Variants in PPIA observed in about 807,000 individuals in gnomAD.
PPIA encodes peptidyl-prolyl cis-trans isomerase A.
In PPIA, 2 loss-of-function variants were observed where a neutral mutation model predicts 15.3. That is an observed-to-expected ratio of 0.13 (90% CI 0.05 to 0.41). The LOEUF (loss-of-function observed/expected upper bound fraction) is 0.41, where lower values mean the gene tolerates loss of function less well. Among genes scored for constraint, PPIA ranks in the 10% least tolerant of loss-of-function variants. The pLI, the probability that PPIA is intolerant of heterozygous loss-of-function variation, is 0.99. For missense variants in PPIA, 103 were observed against 210.3 expected (o/e 0.49, Z 3.16); for synonymous variants, 67 against 73.1 (o/e 0.92, Z 0.43).
In PPIA at chr7:44,798,859, C is replaced by T. The variant is rs937980882; in HGVS notation, c.70-388C>T. 9 of 1,015,784 alleles carry T rather than the reference C, an allele frequency of 8.9e-6. No individual in the cohort carries two copies. The African/African-American group carries it at 1.0e-4, about 12-fold the overall frequency. The allele number at this position is 1,015,784 out of a possible 1,614,324, so 62.9% of individuals were successfully genotyped here. ...AAGTGACTAAAAGAACAGCTGTTTACCCCTGATCGTGCAGCAGTGCTTGCT... is the reference window on the plus strand; with the variant it reads ...AAGTGACTAAAAGAACAGCTGTTTATCCCTGATCGTGCAGCAGTGCTTGCT... On this transcript the variant is annotated intron_variant, in intron 1 of 4. Transcript: ENST00000468812.
intron 1 of PPIA, chr7:44,798,777 G>A (rs1792458749): frequency 2.0e-6 from 2 of 988,958 alleles, no homozygotes; most frequent in African/African-American, 3.5e-5. Flanking sequence ...AGAAGTGACT[G>A]CTCATCTAAT....
chr7:44,796,879 C>T, intron 1 of PPIA, 86 bp downstream of exon 1: 6 of 1,401,014 alleles, frequency 4.3e-6, no homozygotes, highest in Non-Finnish European at 5.8e-6. Context: ...GGCCCGGGCG[C>T]GGGGCGACCC....
chr7:44,800,764 G>A (rs1792528754), intron 4 of PPIA, among the ~76,000 whole-genome samples: 2 of 151,640 alleles, frequency 1.3e-5, no homozygotes, highest in Non-Finnish European at 1.5e-5. Flanking sequence ...TGTTTCTTTG[G>A]GGTTTTTGTT....
In PPIA at chr7:44,799,979, T is replaced by C. The variant is rs1792497232; in HGVS notation, c.362+105T>C. The C allele has an allele frequency of 3.3e-6, 4 of 1,195,920 alleles. No individual in the cohort carries two copies. The East Asian group carries it at 9.3e-5, about 28-fold the overall frequency. 74.1% of individuals were successfully genotyped at this position (1,195,920 alleles called of 1,614,324 possible). A position where few individuals can be genotyped will look rare whatever the true frequency, so the allele number is the denominator to read the frequency against. On this transcript the variant is annotated intron_variant, in intron 4 of 4. Coordinates refer to ENST00000468812, the MANE Select transcript of PPIA (RefSeq NM_021130.5). The stretch of plus-strand genomic sequence containing the variant: ...CTTCAACCTTTGCTTCCACAGACTT[T>C]TTCATCCCTAAGATACTAGAAGAAG...
In PPIA at chr7:44,799,746, C is replaced by T. The variant is rs1448524128; in HGVS notation, c.234C>T (p.Ile78=). 6.2e-7 allele frequency: 1 copy of T among 1,613,832 alleles called. No individual in the cohort carries two copies. Among genetic ancestry groups the T allele is most frequent in the Non-Finnish European group, 8.5e-7 (1 of 1,179,886 alleles). The change falls in exon 4 of 5, where the codon ATC becomes ATT. Residue 78 remains isoleucine (I), a synonymous_variant. Coordinates refer to ENST00000468812, the MANE Select transcript of PPIA (RefSeq NM_021130.5). ...ATAATGGCACTGGTGGCAAGTCCAT[C>T]TATGGGGAGAAATTTGAAGATGAGA... The part of the protein sequence containing the change: ...TRHNGTGGKS[I]YGEKFEDENF...
rs1332174581 is a variant in PPIA, at chr7:44,799,723, A to G, written c.211A>G (p.Asn71Asp). ...MCQGGDFTRH[N>D]GTGGKSIYGE... ...ACAGGGTGGTGACTTCACACGCCAT[A>G]ATGGCACTGGTGGCAAGTCCATCTA... Residue 71 changes from asparagine to aspartate, a missense_variant, in exon 4 of 5, where the codon AAT (asparagine) becomes GAT (aspartate). Asn to Asp is a conservative substitution (Grantham distance 23). Coordinates refer to ENST00000468812, the MANE Select transcript of PPIA (RefSeq NM_021130.5). The G allele has an allele frequency of 1.9e-6, 3 of 1,614,014 alleles. No homozygotes were observed. Among genetic ancestry groups the G allele is most frequent in the Non-Finnish European group, 8.5e-7 (1 of 1,179,892 alleles).
In PPIA at chr7:44,796,934, C is replaced by G. The variant is rs1167441229; in HGVS notation, c.69+141C>G. ...GGCGGGCTGCGGCGCCATTTCCTGA[C>G]GAGGGGCCATTTTGGGAGGTCCGCG... On this transcript the variant is annotated intron_variant, in intron 1 of 4. Coordinates refer to ENST00000468812, the MANE Select transcript of PPIA (RefSeq NM_021130.5). 6.4e-6 allele frequency: 6 copies of G among 942,380 alleles called. No homozygotes were observed. The African/African-American group carries it at 7.1e-5, about 11-fold the overall frequency. 58.4% of individuals were successfully genotyped at this position (942,380 alleles called of 1,614,324 possible). A position where few individuals can be genotyped will look rare whatever the true frequency, so the allele number is the denominator to read the frequency against.
Position 44,802,290 on chromosome 7 carries a change from G to A in PPIA, c.*868G>A, listed in dbSNP as rs1186207073. On this transcript the variant is annotated 3_prime_UTR_variant, in exon 5 of 5. Coordinates refer to ENST00000468812, the MANE Select transcript of PPIA (RefSeq NM_021130.5). The stretch of plus-strand genomic sequence containing the variant: ...CAGCCTCCTGAGTAGCTGGGATAAT[G>A]GGCGTGTGCCACCATGCCCAGCTAA... 6.6e-6 allele frequency: 1 copy of A among 151,184 alleles called. No homozygotes were observed. The highest frequency in any genetic ancestry group is 1.9e-4 in the East Asian group (1 of 5,130). 9.4% of individuals were successfully genotyped at this position (151,184 alleles called of 1,614,324 possible).
Position 44,796,811 on chromosome 7 carries a change from G to T in PPIA, c.69+18G>T, listed in dbSNP as rs777499763. The T allele has an allele frequency of 6.3e-7, 1 of 1,599,634 alleles. No homozygotes were observed. The highest frequency in any genetic ancestry group is 2.3e-5 in the East Asian group (1 of 42,896). On this transcript the variant is annotated intron_variant, in intron 1 of 4. Coordinates refer to ENST00000468812, the MANE Select transcript of PPIA (RefSeq NM_021130.5). ...CCTTTGAGGTCGGGCGGGCGGCGGCGTGCGGGAATGGGGCCCAGAAAGTGG... is the reference window on the plus strand; with the variant it reads ...CCTTTGAGGTCGGGCGGGCGGCGGCTTGCGGGAATGGGGCCCAGAAAGTGG...
chr7:44,796,922 G>A lies in PPIA; in HGVS notation c.69+129G>A. 4.7e-6 allele frequency: 5 copies of A among 1,053,068 alleles called. No individual in the cohort carries two copies. The South Asian group carries it at 8.8e-5, about 19-fold the overall frequency. 65.2% of individuals were successfully genotyped at this position (1,053,068 alleles called of 1,614,324 possible). A position where few individuals can be genotyped will look rare whatever the true frequency, so the allele number is the denominator to read the frequency against. The stretch of plus-strand genomic sequence containing the variant: ...GGGGCGAGCGCGGGCGGGCTGCGGC[G>A]CCATTTCCTGACGAGGGGCCATTTT... On this transcript the variant is annotated intron_variant, in intron 1 of 4. Transcript: ENST00000468812.
chr7:44,798,761 A>T (rs976248476), intron 1 of PPIA: 23 of 988,264 alleles, frequency 2.3e-5, no homozygotes, highest in Non-Finnish European at 2.8e-5. Flanking sequence ...AGGGGCCTGG[A>T]TACCAAGAAG....
chr7:44,798,633 T>C, intron 1 of PPIA: 1 of 643,052 alleles, frequency 1.6e-6, no homozygotes, highest in Non-Finnish European at 1.9e-6. Context: ...TGAAAGGGCT[T>C]GTAAATGTTT....
chr7:44,801,818 C>T lies in PPIA; in HGVS notation c.*396C>T. 4.9e-6 allele frequency: 1 copy of T among 203,408 alleles called. No individual in the cohort carries two copies. The highest frequency in any genetic ancestry group is 1.0e-5 in the Non-Finnish European group (1 of 100,096). 12.6% of individuals were successfully genotyped at this position (203,408 alleles called of 1,614,324 possible). On this transcript the variant is annotated 3_prime_UTR_variant, in exon 5 of 5. Transcript: ENST00000468812. ...TAGGCAGCAACTGGGCATGGTGGCT[C>T]ACTGTCTGTAATGTATTACCTGAGG... is the stretch of plus-strand genomic sequence containing the variant.
In PPIA at chr7:44,797,067, C is replaced by G. The variant is rs17860051; in HGVS notation, c.69+274C>G. ...CGCCCGCCCGCCTCATGTGGCCGCGCCCTGTCCTGTCCGACGCACGTGCTC... is the reference window on the plus strand; with the variant it reads ...CGCCCGCCCGCCTCATGTGGCCGCGGCCTGTCCTGTCCGACGCACGTGCTC... On this transcript the variant is annotated intron_variant, in intron 1 of 4. Transcript: ENST00000468812. Among the ~76,000 whole-genome samples the G allele has an allele frequency of 2.4e-3, 364 of 152,308 alleles. 1 individual carries two copies. Among genetic ancestry groups the G allele is most frequent in the Admixed American group, 0.022 (343 of 15,296 alleles).
At chr7:44,799,945 A>C in intron 4 of PPIA, 71 bp downstream of exon 4, 6 of 1,483,596 alleles carry the variant, frequency 4.0e-6, no homozygotes, top group Admixed American at 1.8e-5. Context: ...CGGAACAAAC[A>C]CTACTTTTCT....
rs36119683 is a variant in PPIA at position 44,801,186 on chromosome 7, TAAAAAA to T, written c.363-90_363-85del. On this transcript the variant is annotated intron_variant, in intron 4 of 4. Transcript: ENST00000468812. ...GACATTTAGTACAAAAGGCTTCAGT[TAAAAAA>T]AAAAAAAAAAGCTACCTTTCTCGTC... 9.2e-6 allele frequency: 10 copies of T among 1,084,812 alleles called. No individual in the cohort carries two copies. In the African/African-American group the frequency reaches 1.2e-4, roughly 13 times the overall value. The allele number at this position is 1,084,812 out of a possible 1,614,324, so 67.2% of individuals were successfully genotyped here. A position where few individuals can be genotyped will look rare whatever the true frequency, so the allele number is the denominator to read the frequency against.
rs1295740809 is a variant in PPIA, at chr7:44,801,388, A to G, written c.464A>G (p.Lys155Arg). The G allele has an allele frequency of 6.4e-7, 1 of 1,554,846 alleles. No individual in the cohort carries two copies. Among genetic ancestry groups the G allele is most frequent in the South Asian group, 1.1e-5 (1 of 89,932 alleles). ...FGSRNGKTSK[K>R]ITIADCGQLE Reference sequence around the variant, plus strand: ...TCCAGGAATGGCAAGACCAGCAAGAAGATCACCATTGCTGACTGTGGACAA... The same window carrying G: ...TCCAGGAATGGCAAGACCAGCAAGAGGATCACCATTGCTGACTGTGGACAA... Residue 155 changes from lysine to arginine, a missense_variant, in exon 5 of 5, where the codon AAG becomes AGG. Lys to Arg is a conservative substitution (Grantham distance 26, BLOSUM62 2). Transcript: ENST00000468812.
In PPIA at chr7:44,799,930, G is replaced by A. The variant is rs1792495315; in HGVS notation, c.362+56G>A. On this transcript the variant is annotated intron_variant, in intron 4 of 4. Coordinates refer to ENST00000468812, the MANE Select transcript of PPIA (RefSeq NM_021130.5). ...TGACTAAATGAAAAGTTGCCCTGGGGGGAACGGAACAAACACTACTTTTCT... is the reference window on the plus strand; with the variant it reads ...TGACTAAATGAAAAGTTGCCCTGGGAGGAACGGAACAAACACTACTTTTCT... 30 of 1,557,928 alleles carry A rather than the reference G, an allele frequency of 1.9e-5. 1 individual carries two copies. In the South Asian group the frequency reaches 3.3e-4, roughly 17 times the overall value.
intron 4 of PPIA, among the ~76,000 whole-genome samples, chr7:44,800,826 ACT>A (rs942043359): frequency 8.1e-5 from 12 of 148,422 alleles, no homozygotes; most frequent in South Asian, 2.1e-4. Context: ...TATATGTGTA[ACT>A]CTTTTTTGAG....
Sources: gnomAD v4.1 joint callset for allele counts (sites outside exome capture counted in the v4.1 genomes callset) on GRCh38, gnomAD v4.1.1 for gene constraint, MANE v1.5 for transcripts, NCBI Gene and HGNC (gene_info 2026-07-23, HGNC 2026-07-21) for gene names.